The following DSTN variants were observed in gnomAD, a reference collection of about 807,000 sequenced individuals.
The protein encoded by DSTN is destrin, actin depolymerizing factor.
In DSTN, 10 loss-of-function variants were observed where a neutral mutation model predicts 16.8. That is an observed-to-expected ratio of 0.60 (90% CI 0.37 to 1.01). The LOEUF is 1.01. DSTN is among the 50% of genes least tolerant of loss of function. DSTN has a pLI of 0.01. For missense variants in DSTN, 141 were observed against 196.7 expected, an observed-to-expected ratio of 0.72 and a Z score of 1.69; for synonymous variants, 57 against 58.9, an observed-to-expected ratio of 0.97 and a Z score of 0.14.
intron 3 of DSTN, among the ~76,000 whole-genome samples, chr20:17,606,707 TCTGC>T (rs1005486172): frequency 3.9e-5 from 6 of 152,244 alleles, no homozygotes. Flanking sequence ...TCATAGCACT[TCTGC>T]CTGCCCCTTC....
intron 1 of DSTN, among the ~76,000 whole-genome samples, chr20:17,571,577 A>G (rs1210603386): frequency 1.3e-5 from 2 of 152,224 alleles, no homozygotes; most frequent in Non-Finnish European, 2.9e-5. Context: ...TTAAATGTAT[A>G]TGCTACTTTA....
chr20:17,607,387 G>A lies in DSTN; in HGVS notation c.*241G>A, dbSNP rs2035653645. ...CTGTTTTGATGAGTTGATTTATAAA[G>A]ATTTTTGTTAAGCTCAGGATTTTAA... On this transcript the variant is annotated 3_prime_UTR_variant, in exon 4 of 4. Coordinates refer to ENST00000246069, the MANE Select transcript of DSTN (RefSeq NM_006870.4). 2 of 391,796 alleles carry A rather than the reference G, an allele frequency of 5.1e-6. No individual in the cohort carries two copies. Among genetic ancestry groups the A allele is most frequent in the South Asian group, 7.1e-5 (1 of 14,084 alleles). The allele number at this position is 391,796 out of a possible 1,614,324, so 24.3% of individuals were successfully genotyped here. A position where few individuals can be genotyped will look rare whatever the true frequency, so the allele number is the denominator to read the frequency against.
Position 17,608,307 on chromosome 20 carries a change from C to T in DSTN, c.*1161C>T, listed in dbSNP as rs2035663489. 6.6e-6 allele frequency: 1 copy of T among 152,098 alleles called. No individual in the cohort carries two copies. The highest frequency in any genetic ancestry group is 1.5e-5 in the Non-Finnish European group (1 of 68,022). 9.4% of individuals were successfully genotyped at this position (152,098 alleles called of 1,614,324 possible). A position where few individuals can be genotyped will look rare whatever the true frequency, so the allele number is the denominator to read the frequency against. On this transcript the variant is annotated 3_prime_UTR_variant, in exon 4 of 4. Transcript: ENST00000246069. ...ATTTTGCCTTCCATATGGGGTAAGGCATTGAGGTTTGGGTATTTCCAATAA... is the reference window on the plus strand; with the variant it reads ...ATTTTGCCTTCCATATGGGGTAAGGTATTGAGGTTTGGGTATTTCCAATAA...
chr20:17,585,520 A>G (rs553999552), intron 1 of DSTN, among the ~76,000 whole-genome samples: 1 of 152,324 alleles, frequency 6.6e-6, no homozygotes, highest in African/African-American at 2.4e-5. Flanking sequence ...AGAGTAGAAT[A>G]CTGAAAGTAT....
chr20:17,588,395 C>A (rs1193907833), intron 1 of DSTN, among the ~76,000 whole-genome samples: 2 of 152,198 alleles, frequency 1.3e-5, no homozygotes, highest in Non-Finnish European at 2.9e-5. Flanking sequence ...TGTCACACAA[C>A]CACCTTGGGC....
At chr20:17,600,662 A>G (rs1341638496) in intron 1 of DSTN, 76 bp from the exon 2 acceptor site, 5 of 1,422,092 alleles carry the variant, frequency 3.5e-6, no homozygotes, top group Non-Finnish European at 4.7e-6. Context: ...ATGCCAATCT[A>G]TAAGCAGAAT....
intron 1 of DSTN, among the ~76,000 whole-genome samples, chr20:17,593,268 G>A (rs753991950): frequency 1.1e-4 from 17 of 152,150 alleles, no homozygotes; most frequent in Non-Finnish European, 2.2e-4. Flanking sequence ...TTCCACTGGA[G>A]TTTATCAAGG....
chr20:17,605,824 T>C (rs2328180), intron 3 of DSTN, among the ~76,000 whole-genome samples: 152,239 of 152,306 alleles, frequency 1, 76,086 homozygotes, highest in Middle Eastern at 1. Flanking sequence ...AGTGGCCGGC[T>C]GGGTGTGGTG....
At position 17,600,791 on chromosome 20, in the gene DSTN, A is replaced by G. The variant is rs748904910; in HGVS notation, c.57A>G (p.Lys19=). 2 of 1,613,418 alleles carry G rather than the reference A, an allele frequency of 1.2e-6. No homozygotes were observed. Among genetic ancestry groups the G allele is most frequent in the African/African-American group, 2.7e-5 (2 of 74,866 alleles). The change falls in exon 2 of 4, where the codon AAA becomes AAG. Residue 19 remains lysine, a synonymous_variant. Transcript: ENST00000246069. ...TATGTCGCATTTTTTATGACATGAA[A>G]GTTCGTAAATGCTCCACACCAGAAG... The part of the protein sequence containing the change: ...DEVCRIFYDM[K]VRKCSTPEEI...
At chr20:17,575,881 G>T (rs2035272587) in intron 1 of DSTN, among the ~76,000 whole-genome samples, 2 of 152,138 alleles carry the variant, frequency 1.3e-5, no homozygotes, top group African/African-American at 4.8e-5. Context: ...TGTCTAGATT[G>T]TCCATGAAAG....
chr20:17,574,870 G>T (rs796277260), intron 1 of DSTN, among the ~76,000 whole-genome samples: 5,062 of 80,760 alleles, frequency 0.063, 29 homozygotes, highest in African/African-American at 0.096. Context: ...CTTTTCTTTT[G>T]TTTTTTTTTT....
At chr20:17,582,380 C>T (rs2035356146) in intron 1 of DSTN, among the ~76,000 whole-genome samples, 1 of 151,722 alleles carries the variant, frequency 6.6e-6, no homozygotes. Context: ...CACCCGGCCC[C>T]GAAGTATACA....
At chr20:17,590,968 TGTG>T (rs775485385) in intron 1 of DSTN, among the ~76,000 whole-genome samples, 3 of 152,088 alleles carry the variant, frequency 2.0e-5, no homozygotes, top group Non-Finnish European at 4.4e-5. Context: ...ATTAGCCAGG[TGTG>T]GTGGTGTTTG....
chr20:17,572,385 T>C (rs374507327), intron 1 of DSTN, among the ~76,000 whole-genome samples: 2 of 152,204 alleles, frequency 1.3e-5, no homozygotes, highest in Non-Finnish European at 2.9e-5. Flanking sequence ...AGAGATTGTT[T>C]AGTAGCCCAT....
chr20:17,600,300 A>G (rs117634400), intron 1 of DSTN, among the ~76,000 whole-genome samples: 6 of 152,260 alleles, frequency 3.9e-5, no homozygotes, highest in Non-Finnish European at 8.8e-5. Context: ...AGAGAAAGAG[A>G]TGCTGTAGGG....
chr20:17,600,192 G>T (rs2035571374), intron 1 of DSTN, among the ~76,000 whole-genome samples: 1 of 152,166 alleles, frequency 6.6e-6, no homozygotes, highest in Non-Finnish European at 1.5e-5. Context: ...ATTTTTAAGT[G>T]AAATTTTAAT....
At chr20:17,581,551 A>G (rs758481850) in intron 1 of DSTN, among the ~76,000 whole-genome samples, 4 of 152,176 alleles carry the variant, frequency 2.6e-5, no homozygotes, top group Non-Finnish European at 4.4e-5. Flanking sequence ...AGCTTGAATT[A>G]AGATTTGTTA....
chr20:17,582,884 A>G (rs1157378178), intron 1 of DSTN, among the ~76,000 whole-genome samples: 1 of 152,226 alleles, frequency 6.6e-6, no homozygotes, highest in African/African-American at 2.4e-5. Context: ...TGTATTCAAA[A>G]ATGTTCATCA....
chr20:17,597,346 G>A (rs2035536932), intron 1 of DSTN, among the ~76,000 whole-genome samples: 1 of 152,146 alleles, frequency 6.6e-6, no homozygotes, highest in Non-Finnish European at 1.5e-5. Context: ...GTTATTTAGA[G>A]ATCTTTAATG....
Sources: allele counts gnomAD v4.1 joint callset (sites outside exome capture counted in the v4.1 genomes callset), GRCh38; gene constraint gnomAD v4.1.1; transcripts MANE v1.5; gene names NCBI Gene and HGNC (gene_info 2026-07-23, HGNC 2026-07-21).